The following SPIRE1 variants were observed in gnomAD, a reference collection of about 807,000 sequenced individuals.
The protein encoded by SPIRE1 is protein spire homolog 1.
Under a neutral mutation model 94.1 loss-of-function variants are expected in SPIRE1, and 40 were observed. The ratio of observed to expected loss-of-function variants is 0.43; its 90% CI spans 0.33 to 0.55. The LOEUF is 0.55. Among genes scored for constraint, SPIRE1 ranks in the 20% least tolerant of loss-of-function variants. SPIRE1 has a pLI of 0.06. For synonymous variants in SPIRE1, 376 were observed against 371.7 expected, an observed-to-expected ratio of 1.01 and a Z score of -0.13; for missense variants, 838 against 975.2, an observed-to-expected ratio of 0.86 and a Z score of 1.87.
chr18:12,615,602 T>G (rs1420884957), intron 2 of SPIRE1, among the ~76,000 whole-genome samples: 1 of 143,912 alleles, frequency 6.9e-6, no homozygotes, highest in Non-Finnish European at 1.5e-5. Context: ...AAATTTGGTA[T>G]ATTTAAATGA....
chr18:12,657,468 G>A (rs2038582091), intron 1 of SPIRE1, 62 bp downstream of exon 1: 3 of 1,185,922 alleles, frequency 2.5e-6, no homozygotes, highest in Non-Finnish European at 2.1e-6. Flanking sequence ...GACGCTGAGG[G>A]TAAGGCGGCC....
intron 2 of SPIRE1, among the ~76,000 whole-genome samples, chr18:12,573,095 C>T (rs935083553): frequency 1.3e-5 from 2 of 152,008 alleles, no homozygotes; most frequent in Admixed American, 6.6e-5. Flanking sequence ...GAACACATAT[C>T]TGATAAAGAA....
chr18:12,638,670 T>C (rs554437482), intron 1 of SPIRE1, among the ~76,000 whole-genome samples: 3 of 152,284 alleles, frequency 2.0e-5, no homozygotes, highest in Admixed American at 2.0e-4. Flanking sequence ...ATTCTCAATG[T>C]TAGAGGTGGG....
intron 2 of SPIRE1, among the ~76,000 whole-genome samples, chr18:12,614,774 C>T (rs762583377): frequency 1.3e-4 from 20 of 151,522 alleles, no homozygotes; most frequent in Non-Finnish European, 2.7e-4. Context: ...GCTGAGATCG[C>T]GCCACTGCAC....
intron 2 of SPIRE1, among the ~76,000 whole-genome samples, chr18:12,592,439 T>C (rs1217940044): frequency 6.6e-6 from 1 of 152,214 alleles, no homozygotes; most frequent in Non-Finnish European, 1.5e-5. Context: ...AGAAGATTTA[T>C]AAATGTGAGT....
chr18:12,596,941 T>G (rs1385911103), intron 2 of SPIRE1, among the ~76,000 whole-genome samples: 5 of 148,642 alleles, frequency 3.4e-5, no homozygotes, highest in Non-Finnish European at 7.4e-5. Flanking sequence ...CTAACCCCCT[T>G]CCTGTTTCCT....
At chr18:12,495,692 CA>C (rs970016183) in intron 7 of SPIRE1, among the ~76,000 whole-genome samples, 1 of 152,014 alleles carries the variant, frequency 6.6e-6, no homozygotes, top group African/African-American at 2.4e-5. Context: ...AGTTTGAGAC[CA>C]GCGTGGGCAA....
chr18:12,564,639 T>C (rs1370446542), intron 2 of SPIRE1, among the ~76,000 whole-genome samples: 1 of 151,986 alleles, frequency 6.6e-6, no homozygotes, highest in Non-Finnish European at 1.5e-5. Context: ...GAGAGGTGAA[T>C]ACAGGTATTC....
chr18:12,622,548 G>C (rs2037505464), intron 2 of SPIRE1, among the ~76,000 whole-genome samples: 2 of 149,870 alleles, frequency 1.3e-5, no homozygotes, highest in Admixed American at 6.7e-5. Context: ...TCAGCCTCCT[G>C]AGTAGCTGGG....
chr18:12,595,409 T>C lies in SPIRE1; in HGVS notation c.372+39653A>G, dbSNP rs185846354. Among the ~76,000 whole-genome samples the C allele has an allele frequency of 1.5e-3, 230 of 152,226 alleles. 2 individuals are homozygous for C. Among genetic ancestry groups the C allele is most frequent in the East Asian group, 9.6e-4 (5 of 5,184 alleles). ...CAATCAAAACTTAAGTTTGAGAGAGTCAAATGTGTTATACTCAGATTTCTG... is the reference window on the plus strand; with the variant it reads ...CAATCAAAACTTAAGTTTGAGAGAGCCAAATGTGTTATACTCAGATTTCTG... On this transcript the variant is annotated intron_variant, in intron 2 of 16. Transcript: ENST00000409402.
At chr18:12,510,232 T>C (rs1394671054) in intron 5 of SPIRE1, among the ~76,000 whole-genome samples, 1 of 152,044 alleles carries the variant, frequency 6.6e-6, no homozygotes, top group Non-Finnish European at 1.5e-5. Flanking sequence ...GGTAGGATCA[T>C]AAAAAGGTAT....
intron 5 of SPIRE1, among the ~76,000 whole-genome samples, chr18:12,510,652 C>A (rs2034007515): frequency 6.6e-6 from 1 of 151,988 alleles, no homozygotes. Context: ...AAGCTATTCT[C>A]CTGCCTCAGC....
chr18:12,521,540 G>A (rs1373075654), intron 4 of SPIRE1, among the ~76,000 whole-genome samples: 1 of 151,934 alleles, frequency 6.6e-6, no homozygotes. Flanking sequence ...CATCATGTCG[G>A]CTAGGCTGGT....
At chr18:12,530,463 CG>C (rs2034651309) in intron 4 of SPIRE1, among the ~76,000 whole-genome samples, 1 of 152,048 alleles carries the variant, frequency 6.6e-6, no homozygotes. Flanking sequence ...CTTAAACTCC[CG>C]GGCTCAAAAG....
intron 9 of SPIRE1, among the ~76,000 whole-genome samples, chr18:12,484,483 A>C (rs1296089330): frequency 6.6e-6 from 1 of 152,208 alleles, no homozygotes; most frequent in Non-Finnish European, 1.5e-5. Flanking sequence ...CTACACAAAT[A>C]AGCAAAAGAT....
chr18:12,549,612 G>A (rs181176480), intron 2 of SPIRE1, among the ~76,000 whole-genome samples: 9 of 151,384 alleles, frequency 5.9e-5, no homozygotes, highest in Non-Finnish European at 1.3e-4. Context: ...CCACCATGCC[G>A]GGGTACTTTT....
intron 2 of SPIRE1, among the ~76,000 whole-genome samples, chr18:12,549,278 C>A (rs1025526262): frequency 3.3e-5 from 5 of 152,004 alleles, no homozygotes; most frequent in Non-Finnish European, 7.4e-5. Flanking sequence ...AGTTAGATTA[C>A]ATTCAGTATA....
At chr18:12,516,582 C>G (rs1352630737) in intron 4 of SPIRE1, among the ~76,000 whole-genome samples, 2 of 152,188 alleles carry the variant, frequency 1.3e-5, no homozygotes, top group African/African-American at 4.8e-5. Flanking sequence ...GCCAATACAT[C>G]TCTCCCCTAC....
intron 10 of SPIRE1, among the ~76,000 whole-genome samples, chr18:12,471,592 G>C (rs1170112814): frequency 6.6e-6 from 1 of 152,112 alleles, no homozygotes; most frequent in East Asian, 1.9e-4. Context: ...CCAGTGCTGG[G>C]ATTACAGGCG....
Sources: allele counts gnomAD v4.1 joint callset (sites outside exome capture counted in the v4.1 genomes callset), GRCh38; gene constraint gnomAD v4.1.1; transcripts MANE v1.5; gene names NCBI Gene and HGNC (gene_info 2026-07-23, HGNC 2026-07-21).